MNAT1: variants seen among roughly 807,000 people sequenced by gnomAD.
MNAT1 encodes the protein MNAT1 component of CDK activating kinase, also known as CDK-activating kinase assembly factor MAT1.
In MNAT1, 43 loss-of-function variants were observed where a neutral mutation model predicts 42.0. The observed-to-expected ratio is 1.02, with a 90% CI of 0.80 to 1.32. The LOEUF (loss-of-function observed/expected upper bound fraction) is 1.32. Among genes scored for constraint, MNAT1 ranks in the 40% most tolerant of loss-of-function variants. The probability of loss-of-function intolerance (pLI) is 0.00; values close to 1 mark genes in which losing one functional copy is unlikely to be tolerated. For synonymous variants in MNAT1, 118 were observed against 120.0 expected (o/e 0.98, Z 0.11); for missense variants, 306 against 350.4 (o/e 0.87, Z 1.01).
In MNAT1 at chr14:60,916,465, GGCAA is replaced by G. The variant is rs1164428478; in HGVS notation, c.809+36631_809+36634del. Among the ~76,000 whole-genome samples the G allele has an allele frequency of 5.9e-5, 9 of 152,220 alleles. No homozygotes were observed. The East Asian group carries it at 1.5e-3, about 26-fold the overall frequency. ...AGCCCAGGAGTTTAAGACCAGTCTGGGCAACATAACAAGATCTCGTCTTTACAAA... is the reference window on the plus strand; with the variant it reads ...AGCCCAGGAGTTTAAGACCAGTCTGGCATAACAAGATCTCGTCTTTACAAA... On this transcript the variant is annotated intron_variant, in intron 7 of 7. Transcript: ENST00000261245.
chr14:60,781,312 C>T (rs2031452772), intron 1 of MNAT1, among the ~76,000 whole-genome samples: 1 of 152,072 alleles, frequency 6.6e-6, no homozygotes, highest in Non-Finnish European at 1.5e-5. Flanking sequence ...TTTGCCTGCT[C>T]ATATAATCCA....
intron 3 of MNAT1, among the ~76,000 whole-genome samples, chr14:60,798,480 CAT>C (rs1350172775): frequency 6.6e-6 from 1 of 152,040 alleles, no homozygotes; most frequent in African/African-American, 2.4e-5. Context: ...GAATGGAAAA[CAT>C]ATTCTGATTT....
chr14:60,755,718 T>A (rs1047372796), intron 1 of MNAT1, among the ~76,000 whole-genome samples: 8 of 152,236 alleles, frequency 5.3e-5, no homozygotes, highest in African/African-American at 1.9e-4. Context: ...TAGTAATAAA[T>A]CAGTATTCCT....
intron 7 of MNAT1, among the ~76,000 whole-genome samples, chr14:60,904,808 C>T (rs1370975128): frequency 6.6e-6 from 1 of 151,436 alleles, no homozygotes; most frequent in East Asian, 1.9e-4. Flanking sequence ...TTTACAGGAC[C>T]CTTAAAAAAG....
intron 7 of MNAT1, among the ~76,000 whole-genome samples, chr14:60,903,237 T>A (rs1438520935): frequency 6.6e-6 from 1 of 152,110 alleles, no homozygotes; most frequent in African/African-American, 2.4e-5. Flanking sequence ...TATTGAATGC[T>A]TTTATGCATC....
rs1386639216 is a variant in MNAT1 at position 60,969,368 on chromosome 14, G to T, written c.*1019G>T. On this transcript the variant is annotated 3_prime_UTR_variant, in exon 8 of 8. Transcript: ENST00000261245. Reference sequence around the variant, plus strand: ...TATTACAACAGATGTTAGTTTTATGGGTAGAAACTTAGGTGAAACAAGACT... The same window carrying T: ...TATTACAACAGATGTTAGTTTTATGTGTAGAAACTTAGGTGAAACAAGACT... 6.6e-6 allele frequency: 1 copy of T among 152,208 alleles called. No homozygotes were observed. Among genetic ancestry groups the T allele is most frequent in the East Asian group, 1.9e-4 (1 of 5,178 alleles). The allele number at this position is 152,208 out of a possible 1,614,324, so 9.4% of individuals were successfully genotyped here. A position where few individuals can be genotyped will look rare whatever the true frequency, so the allele number is the denominator to read the frequency against.
intron 1 of MNAT1, among the ~76,000 whole-genome samples, chr14:60,784,231 C>A (rs1405102717): frequency 2.5e-5 from 3 of 121,082 alleles, no homozygotes; most frequent in Non-Finnish European, 4.9e-5. Context: ...GCCATGTTGG[C>A]CAGGCTGGTC....
At chr14:60,963,185 TTGGTCAGGC>T (rs1447482459) in intron 7 of MNAT1, among the ~76,000 whole-genome samples, 5 of 152,136 alleles carry the variant, frequency 3.3e-5, no homozygotes, top group Non-Finnish European at 5.9e-5. Flanking sequence ...TTTCACCATG[TTGGTCAGGC>T]TGGTCTGGAA....
At chr14:60,939,033 G>A (rs1028333440) in intron 7 of MNAT1, among the ~76,000 whole-genome samples, 3 of 152,190 alleles carry the variant, frequency 2.0e-5, no homozygotes, top group Non-Finnish European at 2.9e-5. Flanking sequence ...GGTGTTTATA[G>A]TATTCTCTGA....
At chr14:60,866,347 C>T (rs1007449055) in intron 6 of MNAT1, among the ~76,000 whole-genome samples, 2 of 131,264 alleles carry the variant, frequency 1.5e-5, no homozygotes, top group African/African-American at 5.8e-5. Flanking sequence ...AACTTTAGAA[C>T]GGAATCCTTG....
chr14:60,958,720 T>C (rs2036531872), intron 7 of MNAT1, among the ~76,000 whole-genome samples: 1 of 137,066 alleles, frequency 7.3e-6, no homozygotes, highest in Non-Finnish European at 1.5e-5. Context: ...CACTGCAAGC[T>C]CCGCCTCCTG....
At chr14:60,795,257 T>G (rs959659576) in intron 1 of MNAT1, among the ~76,000 whole-genome samples, 1 of 152,188 alleles carries the variant, frequency 6.6e-6, no homozygotes, top group Non-Finnish European at 1.5e-5. Context: ...ACTCAGAGGC[T>G]AAAGGAACTG....
intron 7 of MNAT1, among the ~76,000 whole-genome samples, chr14:60,940,716 C>T (rs961191523): frequency 2.6e-5 from 4 of 152,086 alleles, no homozygotes; most frequent in African/African-American, 9.7e-5. Context: ...TGCACCTGGC[C>T]GTCTGTCTCA....
At chr14:60,827,205 T>A (rs1442365425) in intron 6 of MNAT1, among the ~76,000 whole-genome samples, 3 of 152,180 alleles carry the variant, frequency 2.0e-5, no homozygotes, top group African/African-American at 7.2e-5. Flanking sequence ...TAAGTACTTT[T>A]GATAGTCTGT....
chr14:60,794,866 G>A (rs956562844), intron 1 of MNAT1, among the ~76,000 whole-genome samples: 2 of 151,562 alleles, frequency 1.3e-5, no homozygotes, highest in African/African-American at 4.9e-5. Context: ...CTATTCATTA[G>A]AATTTCTCTT....
Position 60,922,677 on chromosome 14 carries a change from A to G in MNAT1, c.809+42842A>G, listed in dbSNP as rs1378336342. Among the ~76,000 whole-genome samples, 6 of 151,696 alleles carry G rather than the reference A, an allele frequency of 4.0e-5. No homozygotes were observed. The East Asian group carries it at 9.7e-4, about 25-fold the overall frequency. ...AGGGGAGGGAGAGGGGACAAAAAGAAAAAAAAAACTTTCAAGTTTTTCTCT... is the reference window on the plus strand; with the variant it reads ...AGGGGAGGGAGAGGGGACAAAAAGAGAAAAAAAACTTTCAAGTTTTTCTCT... On this transcript the variant is annotated intron_variant, in intron 7 of 7. Coordinates refer to ENST00000261245, the MANE Select transcript of MNAT1 (RefSeq NM_002431.4).
rs76354146 is a variant in MNAT1 at position 60,910,598 on chromosome 14, G to T, written c.809+30763G>T. 3.1e-3 allele frequency among the ~76,000 whole-genome samples: 478 copies of T among 152,092 alleles called. 1 individual carries two copies. Among genetic ancestry groups the T allele is most frequent in the African/African-American group, 0.011 (446 of 41,490 alleles). ...ATTGAGATAATCATGTTTTTTTGTC[G>T]TTGGTTCTGTTAATATGCTGGATTA... On this transcript the variant is annotated intron_variant, in intron 7 of 7. Transcript: ENST00000261245.
chr14:60,827,493 G>T (rs1319450492), intron 6 of MNAT1, among the ~76,000 whole-genome samples: 1 of 152,038 alleles, frequency 6.6e-6, no homozygotes, highest in African/African-American at 2.4e-5. Context: ...ATACCCGTTC[G>T]TATCTGAAAA....
chr14:60,852,169 AT>A (rs2033839970), intron 6 of MNAT1, among the ~76,000 whole-genome samples: 1 of 152,090 alleles, frequency 6.6e-6, no homozygotes, highest in African/African-American at 2.4e-5. Flanking sequence ...AAGTGTTCCT[AT>A]TTCTCCACAT....
Sources: gnomAD v4.1 joint callset for allele counts (sites outside exome capture counted in the v4.1 genomes callset) on GRCh38, gnomAD v4.1.1 for gene constraint, MANE v1.5 for transcripts, NCBI Gene and HGNC (gene_info 2026-07-23, HGNC 2026-07-21) for gene names.